Variants in LPCAT2 observed in about 807,000 individuals in gnomAD.
LPCAT2 encodes the protein lysophosphatidylcholine acyltransferase 2.
In LPCAT2, 58 loss-of-function variants were observed where a neutral mutation model predicts 64.7. That is an observed-to-expected ratio of 0.90 (90% CI 0.73 to 1.12). The LOEUF is 1.12. Ranked by LOEUF, LPCAT2 falls within the 50% of genes most tolerant of loss-of-function variation. LPCAT2 has a pLI of 0.00. For synonymous variants in LPCAT2, 252 were observed against 245.3 expected (o/e 1.03, Z -0.26); for missense variants, 579 against 669.8 (o/e 0.86, Z 1.50).
chr16:55,543,455 A>C (rs1188190993), intron 8 of LPCAT2, among the ~76,000 whole-genome samples: 4 of 152,206 alleles, frequency 2.6e-5, no homozygotes, highest in Admixed American at 6.5e-5. Flanking sequence ...TTTTTTAAAA[A>C]ATGAAGAATT....
chr16:55,541,124 C>CAACA (rs1963390730), intron 8 of LPCAT2: 2 of 152,064 alleles, frequency 1.3e-5, no homozygotes, highest in East Asian at 1.9e-4. Context: ...CCATGGTTGA[C>CAACA]TGTTGGTAAC....
chr16:55,561,953 T>C (rs1217704392), intron 11 of LPCAT2, among the ~76,000 whole-genome samples: 2 of 152,030 alleles, frequency 1.3e-5, no homozygotes, highest in Non-Finnish European at 2.9e-5. Context: ...CAGAGCGATG[T>C]CCCTTGGCTA....
chr16:55,515,722 G>A (rs1963001424), intron 1 of LPCAT2, among the ~76,000 whole-genome samples: 1 of 152,174 alleles, frequency 6.6e-6, no homozygotes, highest in Non-Finnish European at 1.5e-5. Flanking sequence ...TAGCAAATAG[G>A]AGAAAGGAGG....
At chr16:55,568,738 G>A (rs1005554818) in intron 11 of LPCAT2, among the ~76,000 whole-genome samples, 1 of 152,190 alleles carries the variant, frequency 6.6e-6, no homozygotes. Context: ...CTAAGGCCAT[G>A]CAGGAGAGTC....
At chr16:55,549,859 T>A (rs186537410) in intron 10 of LPCAT2, among the ~76,000 whole-genome samples, 211 of 152,300 alleles carry the variant, frequency 1.4e-3, no homozygotes, top group Middle Eastern at 3.4e-3. Context: ...GATACCTATT[T>A]TTTAAAAAAA....
intron 1 of LPCAT2, among the ~76,000 whole-genome samples, chr16:55,510,459 G>T: frequency 7.3e-6 from 1 of 136,690 alleles, no homozygotes; most frequent in African/African-American, 2.7e-5. Context: ...GGTTGGGGGG[G>T]TGGGGGAACA....
chr16:55,582,376 GT>G (rs1422052024), intron 13 of LPCAT2, among the ~76,000 whole-genome samples: 1 of 152,002 alleles, frequency 6.6e-6, no homozygotes, highest in Non-Finnish European at 1.5e-5. Context: ...TTAAATTTTA[GT>G]TTTGTCTAAG....
chr16:55,577,969 AAACG>A (rs1262792421), intron 12 of LPCAT2, among the ~76,000 whole-genome samples: 81 of 152,272 alleles, frequency 5.3e-4, no homozygotes, highest in African/African-American at 1.8e-3. Flanking sequence ...CAAATCCAAC[AAACG>A]GTTTTGCTTC....
chr16:55,520,853 G>A (rs1280389034), intron 1 of LPCAT2, among the ~76,000 whole-genome samples: 1 of 151,834 alleles, frequency 6.6e-6, no homozygotes, highest in East Asian at 1.9e-4. Flanking sequence ...TGCAGTTAAA[G>A]CAGTGTTTGC....
At chr16:55,567,675 A>G in intron 11 of LPCAT2, 1 of 650,900 alleles carries the variant, frequency 1.5e-6, no homozygotes, top group South Asian at 2.2e-5. Flanking sequence ...TAAAACAGAT[A>G]TTTCACGAAA....
intron 1 of LPCAT2, among the ~76,000 whole-genome samples, chr16:55,520,653 A>G (rs1352889650): frequency 6.6e-6 from 1 of 152,012 alleles, no homozygotes; most frequent in East Asian, 1.9e-4. Context: ...GAAATATTAC[A>G]GAGAATATTC....
In LPCAT2 at chr16:55,583,671, A is replaced by G. The variant is rs544198883; in HGVS notation, c.*573A>G. On this transcript the variant is annotated 3_prime_UTR_variant, in exon 14 of 14. Coordinates refer to ENST00000262134, the MANE Select transcript of LPCAT2 (RefSeq NM_017839.5). The stretch of plus-strand genomic sequence containing the variant: ...TATATTCTCTTTGACATACATCTCT[A>G]TTGTAGTTTTTTGTTTTGTTTTGTT... 6.5e-6 allele frequency: 1 copy of G among 152,978 alleles called. No homozygotes were observed. Among genetic ancestry groups the G allele is most frequent in the South Asian group, 2.1e-4 (1 of 4,826 alleles). 9.5% of individuals were successfully genotyped at this position (152,978 alleles called of 1,614,324 possible).
At chr16:55,516,325 A>G (rs1583586) in intron 1 of LPCAT2, among the ~76,000 whole-genome samples, 73,127 of 151,962 alleles carry the variant, frequency 0.48, 18,242 homozygotes, top group Non-Finnish European at 0.55. Context: ...GACTGGTCTC[A>G]AACTCCTGGG....
intron 9 of LPCAT2, among the ~76,000 whole-genome samples, chr16:55,548,320 AG>A (rs1427032393): frequency 5.9e-5 from 9 of 152,136 alleles, no homozygotes; most frequent in Non-Finnish European, 8.8e-5. Flanking sequence ...TGAGTAGTGA[AG>A]TAGGAACTAG....
chr16:55,537,595 T>A lies in LPCAT2; in HGVS notation c.815T>A (p.Leu272His). The A allele has an allele frequency of 6.2e-7, 1 of 1,613,380 alleles. No individual in the cohort carries two copies. Among genetic ancestry groups the A allele is most frequent in the Non-Finnish European group, 8.5e-7 (1 of 1,179,562 alleles). The stretch of plus-strand genomic sequence containing the variant: ...CTCTTCAGCATTCAGCTTTGTATGC[T>A]TACTTTCTGCCAGCTCTTCACAAAG... ...QGYTFIQLCM[L>H]TFCQLFTKVE... Residue 272 changes from leucine (L) to histidine (H), a missense_variant, in exon 8 of 14, where the codon CTT becomes CAT. By Grantham distance (99) the Leu-to-His change is moderately conservative. Transcript: ENST00000262134.
rs1168131825 is a variant in LPCAT2, at chr16:55,586,194, G to C, written c.*3096G>C. 1 of 151,906 alleles carries C rather than the reference G, an allele frequency of 6.6e-6. No homozygotes were observed. 9.4% of individuals were successfully genotyped at this position (151,906 alleles called of 1,614,324 possible). On this transcript the variant is annotated 3_prime_UTR_variant, in exon 14 of 14. Coordinates refer to ENST00000262134, the MANE Select transcript of LPCAT2 (RefSeq NM_017839.5). ...ATTCAAAATACATATCACAAACTTT[G>C]GTAAATAGGATAGTAATCTGAAGAA... is the stretch of plus-strand genomic sequence containing the variant.
At chr16:55,547,286 T>C (rs1314153147) in intron 9 of LPCAT2, among the ~76,000 whole-genome samples, 1 of 152,208 alleles carries the variant, frequency 6.6e-6, no homozygotes, top group Non-Finnish European at 1.5e-5. Flanking sequence ...TGACTTGTGA[T>C]AAAAAGTAAG....
At position 55,541,724 on chromosome 16, in the gene LPCAT2, A is replaced by T. The variant is rs1458474026; in HGVS notation, c.853-4011A>T. On this transcript the variant is annotated intron_variant, in intron 8 of 13. Transcript: ENST00000262134. Reference sequence around the variant, plus strand: ...CTAAGCCTGCATTCTCACTGACAAAAATGGGGATAATGACAGAAAATTTAT... The same window carrying T: ...CTAAGCCTGCATTCTCACTGACAAATATGGGGATAATGACAGAAAATTTAT... 3 of 426,502 alleles carry T rather than the reference A, an allele frequency of 7.0e-6. No individual in the cohort carries two copies. The Admixed American group carries it at 1.3e-4, about 18-fold the overall frequency. The allele number at this position is 426,502 out of a possible 1,614,324, so 26.4% of individuals were successfully genotyped here. A position where few individuals can be genotyped will look rare whatever the true frequency, so the allele number is the denominator to read the frequency against.
Position 55,529,889 on chromosome 16 carries a change from G to GA in LPCAT2, c.590dup (p.Asn197LysfsTer5). 1.3e-6 allele frequency: 2 copies of GA among 1,583,142 alleles called. No individual in the cohort carries two copies. Among genetic ancestry groups the GA allele is most frequent in the Non-Finnish European group, 1.7e-6 (2 of 1,165,240 alleles). On this transcript the variant is annotated frameshift_variant, in exon 4 of 14. Transcript: ENST00000262134. LOFTEE classifies it high-confidence loss of function. ...GTGTCCCGTGTAGATCCGGATTCCC[G>GA]AAAAAACACAATAAATGAAATAATA...
Sources: gnomAD v4.1 joint callset for allele counts (sites outside exome capture counted in the v4.1 genomes callset) on GRCh38, gnomAD v4.1.1 for gene constraint, MANE v1.5 for transcripts, NCBI Gene and HGNC (gene_info 2026-07-23, HGNC 2026-07-21) for gene names.